The following KLC1 variants were observed in gnomAD, a reference collection of about 807,000 sequenced individuals.
KLC1 encodes the protein kinesin light chain 1.
In KLC1, 30 loss-of-function variants were observed where a neutral mutation model predicts 84.2. That is an observed-to-expected ratio of 0.36 (90% CI 0.27 to 0.48). KLC1 has a LOEUF of 0.48. Ranked by LOEUF, KLC1 falls within the 20% of genes least tolerant of loss-of-function variation. The probability of loss-of-function intolerance (pLI) is 0.99; values close to 1 mark genes in which losing one functional copy is unlikely to be tolerated. For synonymous variants in KLC1, 289 were observed against 293.3 expected, an observed-to-expected ratio of 0.99 and a Z score of 0.15; for missense variants, 499 against 805.4, an observed-to-expected ratio of 0.62 and a Z score of 4.60.
chr14:103,697,583 T>A (rs2082658807), intron 15 of KLC1: 1 of 152,194 alleles, frequency 6.6e-6, no homozygotes, highest in African/African-American at 2.4e-5. Flanking sequence ...CTCAGAGCAG[T>A]GCCTGGCAGA....
intron 15 of KLC1, chr14:103,697,194 C>A: frequency 1.1e-6 from 1 of 894,992 alleles, no homozygotes; most frequent in Non-Finnish European, 1.3e-6. Context: ...TGTAAAAATC[C>A]AACCCCAAAA....
intron 14 of KLC1, among the ~76,000 whole-genome samples, chr14:103,689,115 C>A (rs1345765922): frequency 2.0e-5 from 3 of 152,162 alleles, no homozygotes; most frequent in Non-Finnish European, 4.4e-5. Context: ...GCTCTCAGAT[C>A]CCCTCCAGGA....
chr14:103,638,422 A>G (rs58133129), intron 1 of KLC1, among the ~76,000 whole-genome samples: 45,232 of 151,968 alleles, frequency 0.3, 7,352 homozygotes, highest in Middle Eastern at 0.38. Flanking sequence ...GCCCCATTTT[A>G]AAGCGTGCAG....
rs2082920184 is a variant in KLC1, at chr14:103,699,469, A to C, written c.1849-1186A>C. ...CCCTGGGGGCGGAGGCCTGGCTGTC[A>C]AATTCACAGCGGAATGGGGCTGCCA... On this transcript the variant is annotated intron_variant, in intron 15 of 16. Transcript: ENST00000334553. 1.9e-6 allele frequency: 3 copies of C among 1,612,856 alleles called. No individual in the cohort carries two copies. Among genetic ancestry groups the C allele is most frequent in the Non-Finnish European group, 2.5e-6 (3 of 1,179,964 alleles).
chr14:103,670,339 G>T (rs1405153616), intron 7 of KLC1, 56 bp downstream of exon 7: 51 of 845,932 alleles, frequency 6.0e-5, no homozygotes, highest in Middle Eastern at 6.6e-4. Context: ...TGTGTGTGTG[G>T]TTTTTTTTTT....
chr14:103,672,910 C>A, intron 7 of KLC1, 104 bp from the exon 8 acceptor site: 1 of 977,770 alleles, frequency 1.0e-6, no homozygotes, highest in Non-Finnish European at 1.6e-6. Flanking sequence ...AAGTGTAGCA[C>A]AGTCGTGCTT....
At position 103,684,936 on chromosome 14, in the gene KLC1, C is replaced by T. The variant is rs1297329820; in HGVS notation, c.1651-2145C>T. ...GCAAAAACTTATGTTTTCTTGTCCTCCCCACATTTTTGAGGTGTTGGTAAC... is the reference window on the plus strand; with the variant it reads ...GCAAAAACTTATGTTTTCTTGTCCTTCCCACATTTTTGAGGTGTTGGTAAC... On this transcript the variant is annotated intron_variant, in intron 13 of 16. Transcript: ENST00000334553. The T allele has an allele frequency of 1.2e-5, 9 of 769,456 alleles. No individual in the cohort carries two copies. The Admixed American group carries it at 1.4e-4, about 12-fold the overall frequency. 47.7% of individuals were successfully genotyped at this position (769,456 alleles called of 1,614,324 possible). A position where few individuals can be genotyped will look rare whatever the true frequency, so the allele number is the denominator to read the frequency against.
chr14:103,632,767 C>T lies in KLC1; in HGVS notation c.-2+3273C>T, dbSNP rs574426269. ...ACAAAAAAACTCTGTCCTCTAGGAG[C>T]TCACAGGCTGGCATGGGCAGGTACC... On this transcript the variant is annotated intron_variant, in intron 1 of 16. Coordinates refer to ENST00000334553, the MANE Select transcript of KLC1 (RefSeq NM_001394837.1). Among the ~76,000 whole-genome samples, 4 of 152,158 alleles carry T rather than the reference C, an allele frequency of 2.6e-5. No individual in the cohort carries two copies. The East Asian group carries it at 7.7e-4, about 29-fold the overall frequency.
At chr14:103,699,869 G>C (rs575986114) in intron 15 of KLC1, 6 of 465,128 alleles carry the variant, frequency 1.3e-5, no homozygotes, top group African/African-American at 9.9e-5. Context: ...CTGTAGAGGT[G>C]TCCTTTGCGC....
intron 9 of KLC1, 72 bp from the exon 10 acceptor site, chr14:103,675,480 C>A: frequency 7.4e-7 from 1 of 1,345,866 alleles, no homozygotes; most frequent in Non-Finnish European, 1.0e-6. Context: ...AGGAAATTCC[C>A]CTTAGAGCAG....
intron 9 of KLC1, among the ~76,000 whole-genome samples, chr14:103,675,305 A>G (rs1297723441): frequency 6.6e-6 from 1 of 152,228 alleles, no homozygotes; most frequent in African/African-American, 2.4e-5. Flanking sequence ...AGCCTGGGCA[A>G]CAGAGTGAGA....
Position 103,694,088 on chromosome 14 carries a change from G to A in KLC1, c.1848+1663G>A, listed in dbSNP as rs561571858. ...ATGGCAGTAAAGCCTGAAGCTTAGCGGACACTGGTCAGTGGGAAGTGAATT... is the reference window on the plus strand; with the variant it reads ...ATGGCAGTAAAGCCTGAAGCTTAGCAGACACTGGTCAGTGGGAAGTGAATT... On this transcript the variant is annotated intron_variant, in intron 15 of 16. Transcript: ENST00000334553. This position sits in a 1 kb window ranked among gnomAD's most constrained non-coding sequence, Gnocchi z 4.5. 1.4e-5 allele frequency: 14 copies of A among 985,942 alleles called. No homozygotes were observed. Among genetic ancestry groups the A allele is most frequent in the East Asian group, 1.1e-4 (1 of 8,906 alleles). The allele number at this position is 985,942 out of a possible 1,614,324, so 61.1% of individuals were successfully genotyped here. A position where few individuals can be genotyped will look rare whatever the true frequency, so the allele number is the denominator to read the frequency against.
At chr14:103,663,850 G>A (rs1595424461) in intron 5 of KLC1, among the ~76,000 whole-genome samples, 1 of 152,194 alleles carries the variant, frequency 6.6e-6, no homozygotes. Flanking sequence ...GGAGGAGGAC[G>A]TGGAGGAAGA....
At chr14:103,659,351 C>T (rs1368437587) in intron 3 of KLC1, among the ~76,000 whole-genome samples, 6 of 152,170 alleles carry the variant, frequency 3.9e-5, no homozygotes, top group Non-Finnish European at 8.8e-5. Flanking sequence ...TTACCCTCCT[C>T]TCAAGTTTCC....
chr14:103,639,678 A>G (rs1214746714), intron 1 of KLC1, among the ~76,000 whole-genome samples: 1 of 151,768 alleles, frequency 6.6e-6, no homozygotes, highest in East Asian at 1.9e-4. Flanking sequence ...GGGCTCAAGC[A>G]GTGCTCCTGT....
Position 103,669,581 on chromosome 14 carries a change from G to A in KLC1, c.868G>A (p.Gly290Ser). Residue 290 changes from glycine to serine, a missense_variant, in exon 6 of 17, where the codon GGC becomes AGC. Physicochemically the swap from Gly to Ser is moderately conservative, Grantham distance 56. Coordinates refer to ENST00000334553, the MANE Select transcript of KLC1 (RefSeq NM_001394837.1). ...CTTGGCTATTCGTGAGAAAACTTTG[G>A]GCAAAGATCATCCTGCGGTTTGTAT... ...DALAIREKTL[G>S]KDHPAVAATL... 1 of 1,608,232 alleles carries A rather than the reference G, an allele frequency of 6.2e-7. No homozygotes were observed. The highest frequency in any genetic ancestry group is 1.1e-5 in the South Asian group (1 of 90,920).
chr14:103,647,591 G>A (rs2078045987), intron 1 of KLC1, among the ~76,000 whole-genome samples: 1 of 151,892 alleles, frequency 6.6e-6, no homozygotes, highest in Non-Finnish European at 1.5e-5. Flanking sequence ...TTGAAAGGAT[G>A]GCATGGCCAG....
chr14:103,636,737 T>C, intron 1 of KLC1, among the ~76,000 whole-genome samples: 1 of 151,998 alleles, frequency 6.6e-6, no homozygotes, highest in African/African-American at 2.4e-5. Context: ...TATTTATTTA[T>C]TTTTGAGATG....
At chr14:103,692,576 T>C (rs959799224) in intron 15 of KLC1, among the ~76,000 whole-genome samples, 151 bp downstream of exon 15, 2 of 152,210 alleles carry the variant, frequency 1.3e-5, no homozygotes, top group African/African-American at 4.8e-5. Context: ...GTTGTGACAG[T>C]AGTATTTTTA....
Sources: gnomAD v4.1 joint callset for allele counts (sites outside exome capture counted in the v4.1 genomes callset) on GRCh38, gnomAD v4.1.1 for gene constraint, Gnocchi (gnomAD v3.1) non-coding constraint, MANE v1.5 for transcripts, NCBI Gene and HGNC (gene_info 2026-07-23, HGNC 2026-07-21) for gene names.